The following TMEM164 variants were observed in gnomAD, a reference collection of about 807,000 sequenced individuals.
The protein encoded by TMEM164 is transmembrane protein 164, also known as RP13-360B22.2.
TMEM164 carries 4 observed loss-of-function variants against 18.8 expected under a neutral mutation model. The ratio of observed to expected loss-of-function variants is 0.21; its 90% CI spans 0.10 to 0.49. The LOEUF is 0.49. TMEM164 is among the 20% of genes least tolerant of loss of function. The probability of loss-of-function intolerance (pLI) is 0.98; values close to 1 mark genes in which losing one functional copy is unlikely to be tolerated. For missense variants in TMEM164, 108 were observed against 239.9 expected, an observed-to-expected ratio of 0.45 and a Z score of 3.63; for synonymous variants, 86 against 101.7, an observed-to-expected ratio of 0.85 and a Z score of 0.93.
chrX:110,009,744 C>G (rs1391897774), intron 2 of TMEM164, among the ~76,000 whole-genome samples: 1 of 111,535 alleles, frequency 9.0e-6, no homozygotes, highest in Non-Finnish European at 1.9e-5. Context: ...CCTGTAATCC[C>G]AGACTTTGGG....
At chrX:110,136,013 T>G (rs2066686083) in intron 4 of TMEM164, among the ~76,000 whole-genome samples, 1 of 111,130 alleles carries the variant, frequency 9.0e-6, no homozygotes, top group African/African-American at 3.3e-5. Flanking sequence ...GAATGTCTTT[T>G]AAAAAAAAAT....
intron 4 of TMEM164, among the ~76,000 whole-genome samples, chrX:110,131,873 A>G (rs2066616625): frequency 8.9e-6 from 1 of 112,055 alleles, no homozygotes; most frequent in Non-Finnish European, 1.9e-5. Context: ...CCTTTGTCTC[A>G]GTTTGAAGAA....
chrX:110,015,527 CTTTT>C (rs1249761342), intron 2 of TMEM164, among the ~76,000 whole-genome samples: 1 of 108,770 alleles, frequency 9.2e-6, no homozygotes, highest in African/African-American at 3.4e-5. Context: ...TAAGAGTTTC[CTTTT>C]TTAAGTTCCA....
intron 2 of TMEM164, among the ~76,000 whole-genome samples, chrX:110,021,448 A>T (rs988267112): frequency 2.7e-5 from 3 of 111,351 alleles, no homozygotes; most frequent in Non-Finnish European, 5.7e-5. Flanking sequence ...GTAGAAGAGT[A>T]GCTAAGTGGC....
intron 4 of TMEM164, among the ~76,000 whole-genome samples, chrX:110,136,230 A>G (rs1431682528): frequency 9.0e-6 from 1 of 111,508 alleles, no homozygotes; most frequent in Admixed American, 9.5e-5. Flanking sequence ...ATTCTGTACC[A>G]TGAATTCATC....
intron 3 of TMEM164, among the ~76,000 whole-genome samples, chrX:110,090,998 G>C (rs1462762027): frequency 9.0e-6 from 1 of 110,760 alleles, no homozygotes; most frequent in Non-Finnish European, 1.9e-5. Flanking sequence ...GAGAATGATG[G>C]TTTCCAGCTT....
intron 4 of TMEM164, among the ~76,000 whole-genome samples, chrX:110,119,171 A>T (rs760426682): frequency 8.0e-5 from 9 of 112,575 alleles, no homozygotes; most frequent in Admixed American, 4.7e-4. Flanking sequence ...TATAAATTTT[A>T]AAAAAATCAT....
At position 110,176,318 on chromosome X, in the gene TMEM164, T is replaced by G. The variant is rs2067289197; in HGVS notation, c.*2867T>G. 2.6e-6 allele frequency: 2 copies of G among 756,180 alleles called. No homozygotes were observed. The highest frequency in any genetic ancestry group is 4.6e-5 in the African/African-American group (2 of 43,744). 62.3% of individuals were successfully genotyped at this position (756,180 alleles called of 1,213,427 possible). The stretch of plus-strand genomic sequence containing the variant: ...TTCTGGTCCTCCCTGCCCTCAGTAT[T>G]TGGTTTTGTACACCAAAGATGATCT... On this transcript the variant is annotated 3_prime_UTR_variant, in exon 7 of 7. Coordinates refer to ENST00000372068, the MANE Select transcript of TMEM164 (RefSeq NM_032227.4).
At chrX:110,154,913 T>C (rs751039416) in intron 5 of TMEM164, among the ~76,000 whole-genome samples, 1 of 111,936 alleles carries the variant, frequency 8.9e-6, no homozygotes, top group East Asian at 2.8e-4. Context: ...ATGAGGGTAG[T>C]AATAGTACCT....
intron 5 of TMEM164, among the ~76,000 whole-genome samples, chrX:110,163,256 A>G (rs780842244): frequency 2.7e-5 from 3 of 112,401 alleles, no homozygotes; most frequent in Non-Finnish European, 5.6e-5. Flanking sequence ...CTGTCCAATA[A>G]AAACATGTGA....
intron 5 of TMEM164, among the ~76,000 whole-genome samples, chrX:110,150,738 T>C (rs2066927344): frequency 8.9e-6 from 1 of 112,238 alleles, no homozygotes; most frequent in African/African-American, 3.2e-5. Context: ...AACCATCCTG[T>C]TGTTACTGTT....
At chrX:110,171,094 G>T (rs1258729619) in intron 5 of TMEM164, among the ~76,000 whole-genome samples, 1 of 112,142 alleles carries the variant, frequency 8.9e-6, no homozygotes, top group Non-Finnish European at 1.9e-5. Flanking sequence ...AGAAAAGAAA[G>T]AAAAGAAAAT....
At chrX:110,008,822 A>T (rs771020708) in intron 2 of TMEM164, among the ~76,000 whole-genome samples, 8 of 112,041 alleles carry the variant, frequency 7.1e-5, no homozygotes, top group Non-Finnish European at 1.5e-4. Flanking sequence ...CTGAATAATT[A>T]TGTGGTCACT....
At chrX:110,171,359 TG>T in intron 5 of TMEM164, 60 bp from the exon 6 acceptor site, 1 of 864,354 alleles carries the variant, frequency 1.2e-6, no homozygotes, top group Non-Finnish European at 1.7e-6. Flanking sequence ...TGCACCCTCA[TG>T]GTACAAAGGT....
intron 3 of TMEM164, among the ~76,000 whole-genome samples, chrX:110,075,990 G>A (rs1198153111): frequency 1.1e-5 from 1 of 89,985 alleles, no homozygotes; most frequent in African/African-American, 4.1e-5. Flanking sequence ...ATTTAGGGAG[G>A]AGTCTCTCCT....
chrX:110,021,946 G>C (rs1248162285), intron 2 of TMEM164, among the ~76,000 whole-genome samples: 1 of 111,568 alleles, frequency 9.0e-6, no homozygotes, highest in Non-Finnish European at 1.9e-5. Flanking sequence ...ACTAGAAGTG[G>C]AGATGGAGAA....
intron 2 of TMEM164, among the ~76,000 whole-genome samples, chrX:110,013,644 T>C (rs1250480647): frequency 1.8e-5 from 2 of 111,658 alleles, no homozygotes; most frequent in African/African-American, 6.5e-5. Flanking sequence ...ATTTTCCTAA[T>C]GCAAGTTCAG....
intron 3 of TMEM164, among the ~76,000 whole-genome samples, chrX:110,067,778 A>T (rs1281975437): frequency 1.8e-5 from 2 of 112,505 alleles, no homozygotes; most frequent in African/African-American, 6.5e-5. Context: ...TTCACATTGA[A>T]GGGCATTGTT....
chrX:110,115,662 A>G (rs751415361), intron 4 of TMEM164, among the ~76,000 whole-genome samples: 48 of 112,507 alleles, frequency 4.3e-4, no homozygotes, highest in Non-Finnish European at 9.4e-5. Flanking sequence ...GTTAAGTATC[A>G]TGCCATGTGC....
Sources: gnomAD v4.1 joint callset for allele counts (sites outside exome capture counted in the v4.1 genomes callset) on GRCh38, gnomAD v4.1.1 for gene constraint, MANE v1.5 for transcripts, NCBI Gene and HGNC (gene_info 2026-07-23, HGNC 2026-07-21) for gene names.